C6: variants seen among roughly 807,000 people sequenced by gnomAD.
The protein encoded by C6 is complement component C6.
A neutral mutation model predicts 112.9 loss-of-function variants in C6; 101 were observed. That is an observed-to-expected ratio of 0.89 (90% CI 0.76 to 1.06). The LOEUF (loss-of-function observed/expected upper bound fraction) is 1.06. C6 is among the 50% of genes least tolerant of loss of function. C6 has a pLI of 0.00. For synonymous variants in C6, 431 were observed against 384.1 expected (o/e 1.12, Z -1.43); for missense variants, 1,202 against 1,104.6 (o/e 1.09, Z -1.25).
rs2150211041 is a variant in C6, at chr5:41,143,067, C to T, written c.2624-61G>A. The T allele has an allele frequency of 3.4e-6, 5 of 1,491,636 alleles. No homozygotes were observed. In the East Asian group the frequency reaches 9.1e-5, roughly 27 times the overall value. 92.4% of individuals were successfully genotyped at this position (1,491,636 alleles called of 1,614,324 possible). A position where few individuals can be genotyped will look rare whatever the true frequency, so the allele number is the denominator to read the frequency against. On this transcript the variant is annotated intron_variant, in intron 17 of 17. Transcript: ENST00000337836. ...ACAGTACATTAGGGTTTGGCTTTAT[C>T]TAAATCATCCCCAGGGTGGCGAGCT...
At position 41,160,226 on chromosome 5, in the gene C6, G is replaced by A. The variant is rs146667042; in HGVS notation, c.1600C>T (p.Leu534Phe). The change falls in exon 11 of 18, where the codon CTC (leucine) becomes TTC (phenylalanine). Residue 534 changes from leucine to phenylalanine, a missense_variant. By Grantham distance (22) the Leu-to-Phe change is conservative. Transcript: ENST00000337836. The part of the protein sequence containing the change: ...APCPNNGRPT[L>F]SGTECLCVCQ... ...ACACACAGACATTCAGTCCCTGAGA[G>A]GGTGGGTCGGCCATTATTAGGGCAT... is the stretch of plus-strand genomic sequence containing the variant. 26 of 1,613,788 alleles carry A rather than the reference G, an allele frequency of 1.6e-5. No individual in the cohort carries two copies. Among genetic ancestry groups the A allele is most frequent in the East Asian group, 2.2e-5 (1 of 44,884 alleles).
In C6 at chr5:41,203,207, G is replaced by A. The variant is rs1248287414; in HGVS notation, c.24C>T (p.Tyr8=). 22 of 1,614,020 alleles carry A rather than the reference G, an allele frequency of 1.4e-5. No homozygotes were observed. The highest frequency in any genetic ancestry group is 1.8e-5 in the Non-Finnish European group (21 of 1,179,986). Residue 8 remains tyrosine (Y), a synonymous_variant, in exon 2 of 18, where the codon TAC becomes TAT. Coordinates refer to ENST00000337836, the MANE Select transcript of C6 (RefSeq NM_000065.5). ...TGATCAGAGCATTCAGCAGGATGAAGTACAAGACAGAGCGTCTGGCCATGC... is the reference window on the plus strand; with the variant it reads ...TGATCAGAGCATTCAGCAGGATGAAATACAAGACAGAGCGTCTGGCCATGC... The part of the protein sequence containing the change: MARRSVL[Y]FILLNALINK...
intron 8 of C6, among the ~76,000 whole-genome samples, chr5:41,173,522 T>G (rs1045152713): frequency 1.3e-5 from 2 of 152,118 alleles, no homozygotes; most frequent in Non-Finnish European, 2.9e-5. Context: ...ATCCAGCTCT[T>G]TTGATGTTTA....
At chr5:41,261,125 T>C (rs544209326) in intron 1 of C6, 29 of 887,666 alleles carry the variant, frequency 3.3e-5, no homozygotes, top group Middle Eastern at 5.8e-4. Flanking sequence ...ACCAGCCATT[T>C]CAAGAAGCAC....
chr5:41,218,677 G>A (rs963109036), intron 1 of C6, among the ~76,000 whole-genome samples: 8 of 152,118 alleles, frequency 5.3e-5, no homozygotes, highest in African/African-American at 1.9e-4. Context: ...AAAGTGATAG[G>A]CCAGGATTGG....
chr5:41,151,309 A>T (rs1446919596), intron 15 of C6, among the ~76,000 whole-genome samples: 1 of 152,226 alleles, frequency 6.6e-6, no homozygotes, highest in African/African-American at 2.4e-5. Flanking sequence ...AGACACAGCT[A>T]GCAGGTAAAA....
At chr5:41,178,715 A>G (rs1749074145) in intron 7 of C6, among the ~76,000 whole-genome samples, 1 of 152,012 alleles carries the variant, frequency 6.6e-6, no homozygotes, top group Admixed American at 6.6e-5. Context: ...ACCTCAGGTG[A>G]TCTGCCTACC....
intron 7 of C6, among the ~76,000 whole-genome samples, chr5:41,179,862 G>T (rs1580126035): frequency 6.6e-6 from 1 of 151,972 alleles, no homozygotes; most frequent in East Asian, 1.9e-4. Context: ...CAATGAATAA[G>T]AAAAGTAAGC....
At chr5:41,172,688 G>C in intron 8 of C6, 3 of 398,838 alleles carry the variant, frequency 7.5e-6, no homozygotes, top group South Asian at 4.5e-5. Context: ...ACACAATGGA[G>C]CTTTAAGCTC....
chr5:41,224,332 C>T (rs1351429271), intron 1 of C6, among the ~76,000 whole-genome samples: 2 of 152,082 alleles, frequency 1.3e-5, no homozygotes, highest in Non-Finnish European at 2.9e-5. Flanking sequence ...GCAGCCAGCA[C>T]CACAATTTAA....
In C6 at chr5:41,160,189, C is replaced by T. The variant is rs1331194988; in HGVS notation, c.1637G>A (p.Gly546Asp). 6.2e-7 allele frequency: 1 copy of T among 1,613,844 alleles called. No homozygotes were observed. Among genetic ancestry groups the T allele is most frequent in the Non-Finnish European group, 8.5e-7 (1 of 1,179,802 alleles). ...TTTCTCACAGTTCTCACCATAGGTG[C>T]CACTCTGACACACACACAGACATTC... is the stretch of plus-strand genomic sequence containing the variant. ...GTECLCVCQSGTYGENCEKQS... is the reference protein window; with the variant it reads ...GTECLCVCQSDTYGENCEKQS... The change falls in exon 11 of 18, where the codon GGC (glycine) becomes GAC (aspartate). Residue 546 changes from glycine to aspartate, a missense_variant. Transcript: ENST00000337836.
At chr5:41,259,160 A>C (rs185392053) in intron 1 of C6, among the ~76,000 whole-genome samples, 1 of 152,206 alleles carries the variant, frequency 6.6e-6, no homozygotes, top group African/African-American at 2.4e-5. Context: ...CCTTTAGGGG[A>C]TCTTGCTCTA....
At chr5:41,248,618 A>G (rs1245545402) in intron 1 of C6, among the ~76,000 whole-genome samples, 1 of 152,218 alleles carries the variant, frequency 6.6e-6, no homozygotes, top group Non-Finnish European at 1.5e-5. Flanking sequence ...CAAAACCACA[A>G]TGAGATACCA....
chr5:41,186,862 T>A (rs569172635), intron 5 of C6, among the ~76,000 whole-genome samples: 4 of 152,250 alleles, frequency 2.6e-5, no homozygotes, highest in African/African-American at 9.6e-5. Flanking sequence ...TTGAGGCACA[T>A]AGAGATTAAT....
intron 5 of C6, among the ~76,000 whole-genome samples, chr5:41,194,621 A>G (rs1750463957): frequency 6.6e-6 from 1 of 152,232 alleles, no homozygotes; most frequent in Non-Finnish European, 1.5e-5. Context: ...TCCAATATGA[A>G]GCAATAGAAA....
Position 41,158,738 on chromosome 5 carries a change from A to G in C6, c.1904T>C (p.Leu635Pro), listed in dbSNP as rs776264890. ...CCCGGAATCTGCTTCTATCTCAGGA[A>G]GATCGACCTCTTTCATTTCTTCGTC... ...NDDEEMKEVD[L>P]PEIEADSGCP... The change falls in exon 13 of 18, where the codon CTT becomes CCT. Residue 635 changes from leucine (L) to proline (P), a missense_variant. Physicochemically the swap from Leu to Pro is moderately conservative, Grantham distance 98 (BLOSUM62 -3). Coordinates refer to ENST00000337836, the MANE Select transcript of C6 (RefSeq NM_000065.5). The G allele has an allele frequency of 9.9e-6, 16 of 1,610,140 alleles. No individual in the cohort carries two copies. In the African/African-American group the frequency reaches 1.6e-4, roughly 16 times the overall value.
At chr5:41,245,516 AT>A (rs943152202) in intron 1 of C6, among the ~76,000 whole-genome samples, 5 of 142,172 alleles carry the variant, frequency 3.5e-5, no homozygotes, top group East Asian at 4.1e-4. Flanking sequence ...AAAAAAAAAA[AT>A]TTAACAAGAT....
At chr5:41,193,422 G>T (rs561036839) in intron 5 of C6, among the ~76,000 whole-genome samples, 1 of 152,150 alleles carries the variant, frequency 6.6e-6, no homozygotes, top group Non-Finnish European at 1.5e-5. Context: ...TTCACATACA[G>T]CATTGTTTCT....
chr5:41,257,680 A>C (rs1741804886), intron 1 of C6, among the ~76,000 whole-genome samples: 1 of 152,178 alleles, frequency 6.6e-6, no homozygotes, highest in Non-Finnish European at 1.5e-5. Flanking sequence ...CAACCATATC[A>C]CATCTACTCA....
Sources: gnomAD v4.1 joint callset for allele counts (sites outside exome capture counted in the v4.1 genomes callset) on GRCh38, gnomAD v4.1.1 for gene constraint, MANE v1.5 for transcripts, NCBI Gene and HGNC (gene_info 2026-07-23, HGNC 2026-07-21) for gene names.